Variants in CNTN5 observed in about 807,000 individuals in gnomAD.
CNTN5 encodes contactin 5, also known as contactin-5.
A neutral mutation model predicts 129.1 loss-of-function variants in CNTN5; 77 were observed. The observed-to-expected ratio is 0.60, with a 90% CI of 0.50 to 0.72. The LOEUF (loss-of-function observed/expected upper bound fraction) is 0.72, where lower values mean the gene tolerates loss of function less well. Among genes scored for constraint, CNTN5 ranks in the 30% least tolerant of loss-of-function variants. CNTN5 has a pLI of 0.00. For missense variants in CNTN5, 1,478 were observed against 1,328.8 expected, an observed-to-expected ratio of 1.11 and a Z score of -1.75; for synonymous variants, 509 against 465.6, an observed-to-expected ratio of 1.09 and a Z score of -1.20.
chr11:100,257,520 C>T (rs752871198), intron 17 of CNTN5, among the ~76,000 whole-genome samples: 14 of 152,066 alleles, frequency 9.2e-5, no homozygotes, highest in Non-Finnish European at 5.9e-5. Flanking sequence ...GAGTTGTCAC[C>T]GACACCTCAT....
chr11:99,828,314 A>G (rs1947032643), intron 4 of CNTN5, among the ~76,000 whole-genome samples: 1 of 152,170 alleles, frequency 6.6e-6, no homozygotes, highest in African/African-American at 2.4e-5. Flanking sequence ...ACAGTATGCC[A>G]CAGGCTGGGT....
intron 13 of CNTN5, among the ~76,000 whole-genome samples, chr11:100,147,237 C>G (rs1946880191): frequency 6.6e-6 from 1 of 152,072 alleles, no homozygotes; most frequent in Non-Finnish European, 1.5e-5. Context: ...GTGCAGCTGG[C>G]TTATACTATT....
chr11:99,215,369 T>G (rs1224554699), intron 1 of CNTN5, among the ~76,000 whole-genome samples: 1 of 151,744 alleles, frequency 6.6e-6, no homozygotes, highest in African/African-American at 2.4e-5. Context: ...ATATTAGAGG[T>G]TTTGCTTGGA....
At chr11:99,078,514 T>G (rs528579330) in intron 1 of CNTN5, among the ~76,000 whole-genome samples, 1 of 152,290 alleles carries the variant, frequency 6.6e-6, no homozygotes, top group East Asian at 1.9e-4. Context: ...ATAGCCAAGA[T>G]TTGGAATTAA....
In CNTN5 at chr11:99,844,835, CTG is replaced by C. The variant is rs776280375; in HGVS notation, c.278-15_278-14del. The C allele has an allele frequency of 6.3e-7, 1 of 1,594,102 alleles. No homozygotes were observed. Among genetic ancestry groups the C allele is most frequent in the Non-Finnish European group, 8.5e-7 (1 of 1,171,064 alleles). On this transcript the variant is annotated splice_polypyrimidine_tract_variant and intron_variant, in intron 4 of 24. Coordinates refer to ENST00000524871, the MANE Select transcript of CNTN5 (RefSeq NM_014361.4). ...TAGTTTAAGGAAATTTAAAATGTGTCTGTTTTGTCTTTACAGAAAGTGTGGAC... is the reference window on the plus strand; with the variant it reads ...TAGTTTAAGGAAATTTAAAATGTGTCTTTTGTCTTTACAGAAAGTGTGGAC...
chr11:99,930,782 A>C (rs1358914800), intron 7 of CNTN5, among the ~76,000 whole-genome samples: 1 of 73,848 alleles, frequency 1.4e-5, no homozygotes, highest in African/African-American at 5.8e-5. Flanking sequence ...GATAAAAATA[A>C]ACACATACAC....
chr11:99,434,052 C>T (rs187782829), intron 2 of CNTN5, among the ~76,000 whole-genome samples: 1 of 152,152 alleles, frequency 6.6e-6, no homozygotes, highest in East Asian at 1.9e-4. Context: ...GTGCTCAGTG[C>T]CATACCTACA....
At chr11:99,886,455 A>C (rs1948903983) in intron 6 of CNTN5, among the ~76,000 whole-genome samples, 1 of 152,180 alleles carries the variant, frequency 6.6e-6, no homozygotes, top group African/African-American at 2.4e-5. Flanking sequence ...AATAAATAGA[A>C]AGATTCAAAG....
At position 100,134,139 on chromosome 11, in the gene CNTN5, A is replaced by G. The variant is rs190872106; in HGVS notation, c.1581-56987A>G. ...AAGATAAAGGAAATATGTCTTCTGC[A>G]GGAGATAGAGAAGGGCTCATAGCTG... On this transcript the variant is annotated intron_variant, in intron 13 of 24. Transcript: ENST00000524871. Among the ~76,000 whole-genome samples the G allele has an allele frequency of 1.1e-4, 16 of 152,302 alleles. No individual in the cohort carries two copies. The South Asian group carries it at 2.5e-3, about 24-fold the overall frequency.
chr11:100,027,610 A>G (rs1941492390), intron 9 of CNTN5, among the ~76,000 whole-genome samples: 2 of 152,172 alleles, frequency 1.3e-5, no homozygotes, highest in Non-Finnish European at 2.9e-5. Context: ...AATACTCATG[A>G]GGGATGTCCT....
At chr11:99,403,824 T>G (rs1389005657) in intron 2 of CNTN5, among the ~76,000 whole-genome samples, 1 of 152,186 alleles carries the variant, frequency 6.6e-6, no homozygotes, top group African/African-American at 2.4e-5. Flanking sequence ...ATAATGTGTA[T>G]TCTGCAGTTC....
At chr11:99,703,841 C>T (rs1954635489) in intron 3 of CNTN5, among the ~76,000 whole-genome samples, 1 of 150,796 alleles carries the variant, frequency 6.6e-6, no homozygotes, top group Non-Finnish European at 1.5e-5. Context: ...TAGATCCAAA[C>T]AACGTTGAAA....
chr11:99,814,921 C>A (rs1461849165), intron 3 of CNTN5, among the ~76,000 whole-genome samples: 2 of 152,076 alleles, frequency 1.3e-5, no homozygotes, highest in African/African-American at 4.8e-5. Flanking sequence ...AAAGGGGAGG[C>A]AGGCACCTTC....
At chr11:99,470,115 G>C (rs1290328028) in intron 2 of CNTN5, among the ~76,000 whole-genome samples, 1 of 152,108 alleles carries the variant, frequency 6.6e-6, no homozygotes, top group Non-Finnish European at 1.5e-5. Context: ...TTCTCTGTCA[G>C]TTCGTTAGAG....
At chr11:99,295,156 A>G (rs1229340851) in intron 1 of CNTN5, among the ~76,000 whole-genome samples, 1 of 152,176 alleles carries the variant, frequency 6.6e-6, no homozygotes, top group East Asian at 1.9e-4. Flanking sequence ...AAGAGTTTAG[A>G]GTATGCTCCT....
intron 21 of CNTN5, among the ~76,000 whole-genome samples, chr11:100,338,378 A>G (rs1287634902): frequency 6.6e-6 from 1 of 152,222 alleles, no homozygotes; most frequent in Non-Finnish European, 1.5e-5. Context: ...CACTGGCCAC[A>G]GAGTATAGCA....
chr11:99,504,529 CAAA>C (rs754621021), intron 2 of CNTN5, among the ~76,000 whole-genome samples: 2 of 90,332 alleles, frequency 2.2e-5, no homozygotes, highest in Non-Finnish European at 2.3e-5. Context: ...GACTCCGTCT[CAAA>C]AAAAAAAAAA....
At chr11:99,839,957 A>G (rs956127493) in intron 4 of CNTN5, among the ~76,000 whole-genome samples, 1 of 152,156 alleles carries the variant, frequency 6.6e-6, no homozygotes, top group Admixed American at 6.6e-5. Flanking sequence ...AAAGAAAGTC[A>G]TAAGACTGAA....
At chr11:99,305,055 G>A (rs1864814846) in intron 1 of CNTN5, among the ~76,000 whole-genome samples, 1 of 152,056 alleles carries the variant, frequency 6.6e-6, no homozygotes, top group African/African-American at 2.4e-5. Context: ...CCTCTTTACA[G>A]AACAATGTCA....
Sources: allele counts gnomAD v4.1 joint callset (sites outside exome capture counted in the v4.1 genomes callset), GRCh38; gene constraint gnomAD v4.1.1; transcripts MANE v1.5; gene names NCBI Gene and HGNC (gene_info 2026-07-23, HGNC 2026-07-21).